OPCML: variants seen among roughly 807,000 people sequenced by gnomAD.
OPCML encodes the protein opioid binding protein/cell adhesion molecule like.
In OPCML, 13 loss-of-function variants were observed where a neutral mutation model predicts 37.8. The observed-to-expected ratio is 0.34, with a 90% CI of 0.22 to 0.55. The LOEUF is 0.55. Among genes scored for constraint, OPCML ranks in the 20% least tolerant of loss-of-function variants. The probability of loss-of-function intolerance (pLI) is 0.91; values close to 1 mark genes in which losing one functional copy is unlikely to be tolerated. For missense variants in OPCML, 341 were observed against 435.6 expected (o/e 0.78, Z 1.93); for synonymous variants, 176 against 168.8 (o/e 1.04, Z -0.33).
At chr11:133,315,196 T>C (rs1399250102) in intron 1 of OPCML, among the ~76,000 whole-genome samples, 1 of 152,204 alleles carries the variant, frequency 6.6e-6, no homozygotes, top group Non-Finnish European at 1.5e-5. Context: ...TGTATCTACT[T>C]TTCCTTTTGT....
rs1202642452 is a variant in OPCML at position 133,413,627 on chromosome 11, G to T, written c.61+118637C>A. 2.0e-5 allele frequency among the ~76,000 whole-genome samples: 3 copies of T among 152,128 alleles called. No individual in the cohort carries two copies. The East Asian group carries it at 5.8e-4, about 29-fold the overall frequency. ...TGAATGGCTCTTCTCCCTTCATCAT[G>T]AGGTTCGCTTCAGCTGATAGAAAAC... On this transcript the variant is annotated intron_variant, in intron 1 of 7. Coordinates refer to ENST00000524381, the MANE Select transcript of OPCML (RefSeq NM_001012393.5).
chr11:133,217,924 T>C (rs1252204173), intron 1 of OPCML, among the ~76,000 whole-genome samples: 1 of 151,970 alleles, frequency 6.6e-6, no homozygotes, highest in Non-Finnish European at 1.5e-5. Flanking sequence ...TGCATGCCTG[T>C]GGTCCCAGCT....
chr11:132,905,853 T>G (rs1386523653), intron 2 of OPCML, among the ~76,000 whole-genome samples: 1 of 152,178 alleles, frequency 6.6e-6, no homozygotes, highest in East Asian at 1.9e-4. Flanking sequence ...TTAAACAAAC[T>G]AATATGTGTA....
At chr11:133,483,820 G>GATAGATAGATAGATAAATAGATAGATAA (rs1344805440) in intron 1 of OPCML, among the ~76,000 whole-genome samples, 2 of 149,534 alleles carry the variant, frequency 1.3e-5, no homozygotes, top group African/African-American at 5.0e-5. Context: ...TAGATAGATA[G>GATAGATAGATAGATAAATAGATAGATAA]ATAGATAGGA....
intron 2 of OPCML, among the ~76,000 whole-genome samples, chr11:132,864,071 G>C (rs1248774870): frequency 2.0e-5 from 3 of 152,110 alleles, no homozygotes; most frequent in African/African-American, 7.2e-5. Context: ...CCGAGTAGCT[G>C]GGATTGCAGG....
chr11:132,593,057 G>A (rs1275157255), intron 3 of OPCML, among the ~76,000 whole-genome samples: 1 of 152,200 alleles, frequency 6.6e-6, no homozygotes, highest in Non-Finnish European at 1.5e-5. Flanking sequence ...CAGTGATGGG[G>A]TAATTAAGAA....
chr11:132,743,015 C>T (rs1044767632), intron 2 of OPCML, among the ~76,000 whole-genome samples: 2 of 152,068 alleles, frequency 1.3e-5, no homozygotes, highest in African/African-American at 4.8e-5. Context: ...CCTTCTGCTT[C>T]CTTCTCAAAT....
At chr11:132,740,817 A>T (rs1945412103) in intron 2 of OPCML, among the ~76,000 whole-genome samples, 1 of 152,222 alleles carries the variant, frequency 6.6e-6, no homozygotes, top group Non-Finnish European at 1.5e-5. Context: ...ATCTGTATTT[A>T]TTCCAAAGTA....
chr11:133,093,206 T>C (rs1253761054), intron 1 of OPCML, among the ~76,000 whole-genome samples: 1 of 152,016 alleles, frequency 6.6e-6, no homozygotes, highest in Non-Finnish European at 1.5e-5. Context: ...ATGTGTAGTC[T>C]TTTCTCCCTT....
rs750298740 is a variant in OPCML, at chr11:133,098,457, C to T, written c.62-155447G>A. ...GTCTCGGTTTCCTGACCTCATGATC[C>T]GCTCGCCTCAGCCTCCCAAAGTGCT... On this transcript the variant is annotated intron_variant, in intron 1 of 7. Transcript: ENST00000524381. Among the ~76,000 whole-genome samples the T allele has an allele frequency of 1.1e-4, 17 of 152,008 alleles. 1 individual carries two copies. The highest frequency in any genetic ancestry group is 2.1e-4 in the South Asian group (1 of 4,810).
At position 132,559,477 on chromosome 11, in the gene OPCML, C is replaced by T. The variant is rs971872949; in HGVS notation, c.380-30291G>A. Among the ~76,000 whole-genome samples, 4 of 152,280 alleles carry T rather than the reference C, an allele frequency of 2.6e-5. No homozygotes were observed. The South Asian group carries it at 6.2e-4, about 24-fold the overall frequency. On this transcript the variant is annotated intron_variant, in intron 3 of 7. Coordinates refer to ENST00000524381, the MANE Select transcript of OPCML (RefSeq NM_001012393.5). ...GCTATGGAAATAGGTAAAAGCTAATCCATTATCTGCAACCTCTGGACGCCA... is the reference window on the plus strand; with the variant it reads ...GCTATGGAAATAGGTAAAAGCTAATTCATTATCTGCAACCTCTGGACGCCA...
At chr11:132,910,723 T>G (rs141559722) in intron 2 of OPCML, among the ~76,000 whole-genome samples, 1 of 152,342 alleles carries the variant, frequency 6.6e-6, no homozygotes, top group African/African-American at 2.4e-5. Flanking sequence ...TATAAATATA[T>G]GCACACACAT....
In OPCML at chr11:132,848,889, G is replaced by GA. The variant is rs375392617; in HGVS notation, c.146+94036dup. On this transcript the variant is annotated intron_variant, in intron 2 of 7. Transcript: ENST00000524381. Reference sequence around the variant, plus strand: ...AAAATCGTATTAGATCATGCCAATGGAAAAGCTTTATGAAGTCCTCTACGA... The same window carrying GA: ...AAAATCGTATTAGATCATGCCAATGGAAAAAGCTTTATGAAGTCCTCTACGA... Among the ~76,000 whole-genome samples, 1,056 of 152,248 alleles carry GA rather than the reference G, an allele frequency of 6.9e-3. 11 individuals carry two copies. The highest frequency in any genetic ancestry group is 0.024 in the African/African-American group (1,003 of 41,536).
At chr11:132,604,832 G>A (rs1198195221) in intron 3 of OPCML, among the ~76,000 whole-genome samples, 1 of 152,186 alleles carries the variant, frequency 6.6e-6, no homozygotes, top group Non-Finnish European at 1.5e-5. Context: ...CTTAATTGAT[G>A]TAGAGGGTAT....
chr11:133,518,699 G>A (rs7951647), intron 1 of OPCML, among the ~76,000 whole-genome samples: 2 of 135,130 alleles, frequency 1.5e-5, no homozygotes, highest in Admixed American at 7.0e-5. Context: ...TGTGGCGTGG[G>A]CAGTGGCAGG....
At chr11:133,445,359 C>T (rs1287957055) in intron 1 of OPCML, among the ~76,000 whole-genome samples, 1 of 152,194 alleles carries the variant, frequency 6.6e-6, no homozygotes, top group Admixed American at 6.5e-5. Flanking sequence ...TATGCCATGC[C>T]ATAAGCTTAA....
chr11:133,291,456 G>A (rs1027131845), intron 1 of OPCML, among the ~76,000 whole-genome samples: 27 of 152,300 alleles, frequency 1.8e-4, no homozygotes, highest in Admixed American at 1.2e-3. Flanking sequence ...TGGTCAGCCT[G>A]CTGCTGGTGG....
At chr11:133,520,188 C>T (rs1390621141) in intron 1 of OPCML, among the ~76,000 whole-genome samples, 1 of 152,062 alleles carries the variant, frequency 6.6e-6, no homozygotes, top group East Asian at 1.9e-4. Context: ...TTTTGCTGCC[C>T]AGAAGACAGC....
chr11:132,806,030 T>C (rs1051204675), intron 2 of OPCML, among the ~76,000 whole-genome samples: 2 of 151,752 alleles, frequency 1.3e-5, no homozygotes, highest in Admixed American at 1.3e-4. Context: ...AATCAGAAAG[T>C]GTTGGGTGTG....
Sources: gnomAD v4.1 joint callset for allele counts (sites outside exome capture counted in the v4.1 genomes callset) on GRCh38, gnomAD v4.1.1 for gene constraint, MANE v1.5 for transcripts, NCBI Gene and HGNC (gene_info 2026-07-23, HGNC 2026-07-21) for gene names.